DUSP22: variants seen among roughly 807,000 people sequenced by gnomAD.
DUSP22 encodes dual specificity phosphatase 22.
A neutral mutation model predicts 24.5 loss-of-function variants in DUSP22; 24 were observed. The ratio of observed to expected loss-of-function variants is 0.98; its 90% CI spans 0.71 to 1.38. The LOEUF is 1.38. Among genes scored for constraint, DUSP22 ranks in the 40% most tolerant of loss-of-function variants. The pLI is 0.00. For synonymous variants in DUSP22, 160 were observed against 106.4 expected (o/e 1.50, Z -3.10); for missense variants, 330 against 269.2 (o/e 1.23, Z -1.58).
At chr6:322,833 G>GC (rs772100677) in intron 3 of DUSP22, among the ~76,000 whole-genome samples, 15 of 91,594 alleles carry the variant, frequency 1.6e-4, no homozygotes, top group East Asian at 1.6e-3. Flanking sequence ...TGCTTGGTGG[G>GC]GCGGGGGGGG....
Position 349,716 on chromosome 6 carries a change from C to T in DUSP22, c.*765C>T. On this transcript the variant is annotated 3_prime_UTR_variant, in exon 7 of 7. Coordinates refer to ENST00000419235, the MANE Select transcript of DUSP22 (RefSeq NM_001286555.3). The stretch of plus-strand genomic sequence containing the variant: ...GAAGTATCTTAGATTGCCTCCATCT[C>T]AATGTGAATGCACCAGGCTGAGGGT... 1.0e-6 allele frequency: 1 copy of T among 986,118 alleles called. No homozygotes were observed. Among genetic ancestry groups the T allele is most frequent in the Non-Finnish European group, 1.2e-6 (1 of 830,360 alleles). The allele number at this position is 986,118 out of a possible 1,614,324, so 61.1% of individuals were successfully genotyped here.
At chr6:326,584 C>G (rs971623916) in intron 3 of DUSP22, among the ~76,000 whole-genome samples, 3 of 152,204 alleles carry the variant, frequency 2.0e-5, no homozygotes, top group African/African-American at 7.2e-5. Context: ...CCCTGGGCTT[C>G]TGCGTCCTGG....
intron 1 of DUSP22, among the ~76,000 whole-genome samples, chr6:301,501 T>TA (rs1353808879): frequency 2.0e-5 from 3 of 152,302 alleles, no homozygotes; most frequent in Admixed American, 1.3e-4. Flanking sequence ...AAAGGGTTGT[T>TA]ACTGAACATT....
chr6:329,073 G>A (rs1254997734), intron 3 of DUSP22, among the ~76,000 whole-genome samples: 1 of 152,302 alleles, frequency 6.6e-6, no homozygotes, highest in African/African-American at 2.4e-5. Context: ...ACGTAAATGA[G>A]CATTCTCTTA....
chr6:345,060 C>G (rs1490865836), intron 4 of DUSP22, among the ~76,000 whole-genome samples: 7 of 152,406 alleles, frequency 4.6e-5, no homozygotes, highest in Non-Finnish European at 8.8e-5. Flanking sequence ...AGAGAAATTC[C>G]AAAACTTCCA....
intron 1 of DUSP22, 76 bp from the exon 2 acceptor site, chr6:304,552 C>T: frequency 6.2e-7 from 1 of 1,602,450 alleles, no homozygotes; most frequent in Non-Finnish European, 8.6e-7. Flanking sequence ...GATCCTGCTG[C>T]TGGATGAGGC....
At chr6:346,429 GACACACACAC>G (rs10642379) in intron 5 of DUSP22, among the ~76,000 whole-genome samples, 4 of 151,198 alleles carry the variant, frequency 2.6e-5, no homozygotes, top group South Asian at 2.1e-4. Flanking sequence ...ATTTTGTGTA[GACACACACAC>G]ACACACACAC....
rs748563326 is a variant in DUSP22, at chr6:350,841, G to A, written c.*1890G>A. The A allele has an allele frequency of 1.1e-5, 17 of 1,614,148 alleles. No individual in the cohort carries two copies. The highest frequency in any genetic ancestry group is 1.4e-5 in the Non-Finnish European group (17 of 1,180,026). On this transcript the variant is annotated 3_prime_UTR_variant, in exon 7 of 7. Coordinates refer to ENST00000419235, the MANE Select transcript of DUSP22 (RefSeq NM_001286555.3). ...TCACAGCCGCTCCGGGAATTCTGAAGTTCTGGGCCTTTCTCAGAAGACTGT... is the reference window on the plus strand; with the variant it reads ...TCACAGCCGCTCCGGGAATTCTGAAATTCTGGGCCTTTCTCAGAAGACTGT...
chr6:330,816 C>T (rs1759106209), intron 3 of DUSP22, among the ~76,000 whole-genome samples: 1 of 152,306 alleles, frequency 6.6e-6, no homozygotes, highest in Non-Finnish European at 1.5e-5. Context: ...CTGTCCTTAG[C>T]AGATCCCCCA....
At chr6:307,313 C>T (rs1270913337) in intron 2 of DUSP22, among the ~76,000 whole-genome samples, 1 of 152,288 alleles carries the variant, frequency 6.6e-6, no homozygotes, top group Non-Finnish European at 1.5e-5. Flanking sequence ...TCCTTTCTTC[C>T]CTCCCCACTT....
chr6:308,612 A>G (rs1388782481), intron 2 of DUSP22, among the ~76,000 whole-genome samples: 2 of 152,308 alleles, frequency 1.3e-5, no homozygotes, highest in Non-Finnish European at 2.9e-5. Flanking sequence ...CTATTCAGAA[A>G]TGTATGCTTT....
At chr6:318,541 G>A (rs917616897) in intron 3 of DUSP22, among the ~76,000 whole-genome samples, 1 of 152,152 alleles carries the variant, frequency 6.6e-6, no homozygotes, top group South Asian at 2.1e-4. Context: ...AGGACCCCAG[G>A]GGGTGACCAC....
At chr6:340,638 T>A (rs553454074) in intron 4 of DUSP22, among the ~76,000 whole-genome samples, 259 of 152,344 alleles carry the variant, frequency 1.7e-3, no homozygotes, top group African/African-American at 6.0e-3. Flanking sequence ...TGCTTTCATT[T>A]GCACATACAC....
At chr6:345,954 G>A (rs754390377) in intron 5 of DUSP22, 26 bp downstream of exon 5, 133 of 1,613,270 alleles carry the variant, frequency 8.2e-5, no homozygotes, top group African/African-American at 2.1e-4. Context: ...GCTTAATAGC[G>A]CCTTAGCGTA....
At chr6:298,508 G>A (rs1483171808) in intron 1 of DUSP22, among the ~76,000 whole-genome samples, 1 of 152,306 alleles carries the variant, frequency 6.6e-6, no homozygotes, top group Non-Finnish European at 1.5e-5. Flanking sequence ...TGTTTAAAAA[G>A]TAAACTCAAA....
At chr6:306,121 G>A (rs1757804887) in intron 2 of DUSP22, among the ~76,000 whole-genome samples, 1 of 152,308 alleles carries the variant, frequency 6.6e-6, no homozygotes, top group South Asian at 2.1e-4. Flanking sequence ...ACCCTTTGTG[G>A]TGAGTAGGCC....
intron 4 of DUSP22, among the ~76,000 whole-genome samples, chr6:340,175 C>T (rs1159696165): frequency 6.6e-6 from 1 of 152,306 alleles, no homozygotes; most frequent in African/African-American, 2.4e-5. Context: ...ATGAAAAGTA[C>T]AATATATGCA....
rs1315681369 is a variant in DUSP22, at chr6:347,811, C to T, written c.264-292C>T. Among the ~76,000 whole-genome samples the T allele has an allele frequency of 2.6e-5, 4 of 152,296 alleles. No individual in the cohort carries two copies. In the East Asian group the frequency reaches 5.8e-4, roughly 22 times the overall value. ...CGTTTGTCCGGGGAAATGGGAAAGACCTGAGGAGGGGCTGAGGAGCAAGGG... is the reference window on the plus strand; with the variant it reads ...CGTTTGTCCGGGGAAATGGGAAAGATCTGAGGAGGGGCTGAGGAGCAAGGG... On this transcript the variant is annotated intron_variant, in intron 5 of 6. Transcript: ENST00000419235.
At chr6:335,090 T>C (rs1315264825) in intron 3 of DUSP22, 24 bp from the exon 4 acceptor site, 1 of 1,609,658 alleles carries the variant, frequency 6.2e-7, no homozygotes, top group Non-Finnish European at 8.5e-7. Flanking sequence ...TATTTTTATG[T>C]ATTTACTTTT....
Sources: gnomAD v4.1 joint callset for allele counts (sites outside exome capture counted in the v4.1 genomes callset) on GRCh38, gnomAD v4.1.1 for gene constraint, MANE v1.5 for transcripts, NCBI Gene and HGNC (gene_info 2026-07-23, HGNC 2026-07-21) for gene names.